CDH12: variants seen among roughly 807,000 people sequenced by gnomAD.
The protein encoded by CDH12 is cadherin-12.
CDH12 carries 41 observed loss-of-function variants against 74.1 expected under a neutral mutation model. The observed-to-expected ratio is 0.55, with a 90% CI of 0.43 to 0.72. The LOEUF (loss-of-function observed/expected upper bound fraction) is 0.72. CDH12 is among the 30% of genes least tolerant of loss of function. The probability of loss-of-function intolerance (pLI) is 0.00; values close to 1 mark genes in which losing one functional copy is unlikely to be tolerated. For synonymous variants in CDH12, 399 were observed against 355.0 expected, an observed-to-expected ratio of 1.12 and a Z score of -1.39; for missense variants, 945 against 977.2, an observed-to-expected ratio of 0.97 and a Z score of 0.44.
intron 4 of CDH12, among the ~76,000 whole-genome samples, chr5:22,100,652 G>GAGACACACACAC (rs1554010107): frequency 6.9e-6 from 1 of 144,242 alleles, no homozygotes; most frequent in African/African-American, 2.6e-5. Flanking sequence ...CCATACATTA[G>GAGACACACACAC]ACACACACAC....
chr5:21,908,894 A>T (rs879318211), intron 6 of CDH12, among the ~76,000 whole-genome samples: 5 of 152,242 alleles, frequency 3.3e-5, no homozygotes, highest in Middle Eastern at 3.4e-3. Flanking sequence ...CCCCAACTTG[A>T]TAGCAGGGTA....
intron 5 of CDH12, among the ~76,000 whole-genome samples, chr5:22,050,324 T>C (rs1740271878): frequency 6.6e-6 from 1 of 152,146 alleles, no homozygotes; most frequent in South Asian, 2.1e-4. Flanking sequence ...CTATAGCACA[T>C]CTGCAATCTA....
chr5:22,756,980 G>A (rs1241110509), intron 1 of CDH12, among the ~76,000 whole-genome samples: 2 of 151,512 alleles, frequency 1.3e-5, no homozygotes, highest in Non-Finnish European at 1.5e-5. Flanking sequence ...AAAATTAATT[G>A]TTACTTTGTA....
At chr5:22,211,794 T>G (rs903813641) in intron 4 of CDH12, among the ~76,000 whole-genome samples, 1 of 150,496 alleles carries the variant, frequency 6.6e-6, no homozygotes, top group African/African-American at 2.4e-5. Flanking sequence ...AAACACGTAA[T>G]CTCTTATTGA....
At chr5:22,579,816 A>G (rs1057026491) in intron 1 of CDH12, among the ~76,000 whole-genome samples, 1 of 152,166 alleles carries the variant, frequency 6.6e-6, no homozygotes, top group Non-Finnish European at 1.5e-5. Context: ...CTGTCAGTCT[A>G]TTCATACTGG....
rs144057060 is a variant in CDH12 at position 22,737,486 on chromosome 5, C to T, written c.-523+115572G>A. Among the ~76,000 whole-genome samples, 877 of 151,808 alleles carry T rather than the reference C, an allele frequency of 5.8e-3. 6 individuals carry two copies. The highest frequency in any genetic ancestry group is 0.017 in the Middle Eastern group (5 of 294). ...AGTATTAGTGTAATTAATCACCAAA[C>T]GAGCACGTATTTGCGTAATAAAAAT... On this transcript the variant is annotated intron_variant, in intron 1 of 14. Transcript: ENST00000382254.
chr5:22,240,748 G>T (rs1752720022), intron 3 of CDH12, among the ~76,000 whole-genome samples: 1 of 152,050 alleles, frequency 6.6e-6, no homozygotes, highest in African/African-American at 2.4e-5. Context: ...TGACCAGGCT[G>T]GTCTCAAACT....
chr5:21,761,733 A>C (rs900428612), intron 12 of CDH12, among the ~76,000 whole-genome samples: 3 of 133,432 alleles, frequency 2.2e-5, no homozygotes, highest in Non-Finnish European at 4.8e-5. Context: ...AGATGGATGG[A>C]TGGATAGATA....
intron 6 of CDH12, among the ~76,000 whole-genome samples, chr5:21,896,496 T>C (rs1753128820): frequency 6.6e-6 from 1 of 152,330 alleles, no homozygotes; most frequent in South Asian, 2.1e-4. Flanking sequence ...TAATGGGAAC[T>C]CTACCTCTTT....
At chr5:22,047,750 T>C (rs548324826) in intron 5 of CDH12, among the ~76,000 whole-genome samples, 328 of 152,300 alleles carry the variant, frequency 2.2e-3, no homozygotes, top group Non-Finnish European at 3.5e-3. Flanking sequence ...TCCAACTTCC[T>C]ACTGGTTTCC....
At chr5:21,896,953 C>G in intron 6 of CDH12, among the ~76,000 whole-genome samples, 1 of 152,060 alleles carries the variant, frequency 6.6e-6, no homozygotes, top group East Asian at 1.9e-4. Context: ...TTTGAGGTTT[C>G]TGCTCTTTAT....
intron 4 of CDH12, among the ~76,000 whole-genome samples, chr5:22,149,324 A>G (rs995507287): frequency 5.3e-4 from 81 of 152,206 alleles, no homozygotes; most frequent in African/African-American, 1.8e-3. Flanking sequence ...TGCATGCTCA[A>G]TTTTACAGTA....
In CDH12 at chr5:22,729,224, G is replaced by C. The variant is rs1356581780; in HGVS notation, c.-523+123834C>G. On this transcript the variant is annotated intron_variant, in intron 1 of 14. Coordinates refer to ENST00000382254, the MANE Select transcript of CDH12 (RefSeq NM_004061.5). ...AGACAAAATTAAGGTGGCAACAGGG[G>C]CGTGGTTCTCATCTCAGTTTCAGGA... is the stretch of plus-strand genomic sequence containing the variant. Among the ~76,000 whole-genome samples, 7 of 151,748 alleles carry C rather than the reference G, an allele frequency of 4.6e-5. No individual in the cohort carries two copies. In the East Asian group the frequency reaches 1.4e-3, roughly 29 times the overall value.
chr5:22,645,940 AT>A (rs1739413818), intron 1 of CDH12, among the ~76,000 whole-genome samples: 1 of 151,914 alleles, frequency 6.6e-6, no homozygotes, highest in Admixed American at 6.6e-5. Flanking sequence ...TATAAACATA[AT>A]TTTATCTGTG....
At chr5:22,404,094 G>T (rs142737483) in intron 3 of CDH12, among the ~76,000 whole-genome samples, 5,483 of 152,074 alleles carry the variant, frequency 0.036, 113 homozygotes, top group African/African-American at 0.055. Flanking sequence ...ATTATTATCA[G>T]ACATATTTGT....
chr5:22,011,050 C>T (rs895537969), intron 5 of CDH12, among the ~76,000 whole-genome samples: 1 of 152,094 alleles, frequency 6.6e-6, no homozygotes, highest in African/African-American at 2.4e-5. Context: ...TTGCAATTAA[C>T]ACACAATAAA....
chr5:21,957,203 G>T (rs575341376), intron 6 of CDH12, among the ~76,000 whole-genome samples: 36 of 152,100 alleles, frequency 2.4e-4, no homozygotes, highest in African/African-American at 8.7e-4. Context: ...GTGTTAATTT[G>T]CCCAGTATAA....
At chr5:22,485,661 C>A (rs180886258) in intron 2 of CDH12, among the ~76,000 whole-genome samples, 3 of 152,186 alleles carry the variant, frequency 2.0e-5, no homozygotes, top group Non-Finnish European at 4.4e-5. Flanking sequence ...TTAAAGTTTA[C>A]AACATAGCTT....
At chr5:21,890,554 T>C (rs1752849233) in intron 6 of CDH12, among the ~76,000 whole-genome samples, 1 of 152,100 alleles carries the variant, frequency 6.6e-6, no homozygotes, top group Admixed American at 6.6e-5. Context: ...TTCTGCTCAG[T>C]TTCAAATTCA....
Sources: gnomAD v4.1 joint callset for allele counts (sites outside exome capture counted in the v4.1 genomes callset) on GRCh38, gnomAD v4.1.1 for gene constraint, MANE v1.5 for transcripts, NCBI Gene and HGNC (gene_info 2026-07-23, HGNC 2026-07-21) for gene names.